The following CYP20A1 variants were observed in gnomAD, a reference collection of about 807,000 sequenced individuals.
CYP20A1 encodes the protein cytochrome P450 20A1.
In CYP20A1, 61 loss-of-function variants were observed where a neutral mutation model predicts 61.4. The observed-to-expected ratio is 0.99, with a 90% confidence interval of 0.81 to 1.23. CYP20A1 has a LOEUF of 1.23. Ranked by LOEUF, CYP20A1 falls within the 50% of genes most tolerant of loss-of-function variation. CYP20A1 has a pLI of 0.00. For synonymous variants in CYP20A1, 193 were observed against 188.2 expected (o/e 1.03, Z -0.21); for missense variants, 530 against 542.4 (o/e 0.98, Z 0.23).
intron 7 of CYP20A1, among the ~76,000 whole-genome samples, chr2:203,279,128 A>G (rs1156602713): frequency 6.6e-6 from 1 of 151,876 alleles, no homozygotes; most frequent in African/African-American, 2.4e-5. Context: ...CCACGCCCAG[A>G]TAATTTTTCT....
At chr2:203,287,239 A>G (rs1033721862) in intron 9 of CYP20A1, among the ~76,000 whole-genome samples, 1 of 149,224 alleles carries the variant, frequency 6.7e-6, no homozygotes, top group Non-Finnish European at 1.5e-5. Context: ...AAAAAAAAAA[A>G]GAAAAGATAA....
chr2:203,282,854 G>A (rs2068099749), intron 8 of CYP20A1, among the ~76,000 whole-genome samples: 1 of 152,090 alleles, frequency 6.6e-6, no homozygotes, highest in Non-Finnish European at 1.5e-5. Flanking sequence ...TTATCTCTAA[G>A]CTATGAAATT....
At position 203,298,985 on chromosome 2, in the gene CYP20A1, ATGT is replaced by A. The variant is rs1001764573; in HGVS notation, c.*2081_*2083del. 1.3e-5 allele frequency among the ~76,000 whole-genome samples: 2 copies of A among 151,970 alleles called. No homozygotes were observed. The highest frequency in any genetic ancestry group is 1.5e-5 in the Non-Finnish European group (1 of 67,974). On this transcript the variant is annotated 3_prime_UTR_variant, in exon 13 of 13. Coordinates refer to ENST00000356079, the MANE Select transcript of CYP20A1 (RefSeq NM_177538.3). Reference sequence around the variant, plus strand: ...GGGAGGCGGAGGTTGCAGTGAGCTGATGTTGTGCTAGTGCACTCCAGCCTGGGC... The same window carrying A: ...GGGAGGCGGAGGTTGCAGTGAGCTGATGTGCTAGTGCACTCCAGCCTGGGC...
intron 6 of CYP20A1, among the ~76,000 whole-genome samples, chr2:203,273,168 C>CT (rs2067677273): frequency 6.6e-6 from 1 of 152,088 alleles, no homozygotes; most frequent in African/African-American, 2.4e-5. Flanking sequence ...TTTCTTTATG[C>CT]TTTTTTCTAT....
In CYP20A1 at chr2:203,281,937, C is replaced by G. The variant is rs141995301; in HGVS notation, c.850+1824C>G. The stretch of plus-strand genomic sequence containing the variant: ...TTTAAAAGGATACAAATGTAAACGT[C>G]CCATAAATTTTTCTTCTTTAACATA... On this transcript the variant is annotated intron_variant, in intron 8 of 12. Coordinates refer to ENST00000356079, the MANE Select transcript of CYP20A1 (RefSeq NM_177538.3). Among the ~76,000 whole-genome samples the G allele has an allele frequency of 3.3e-5, 5 of 152,200 alleles. No homozygotes were observed. In the East Asian group the frequency reaches 9.6e-4, roughly 29 times the overall value.
chr2:203,302,735 C>T lies in CYP20A1; in HGVS notation c.*5827C>T, dbSNP rs2069069037. 1.1e-4 allele frequency among the ~76,000 whole-genome samples: 16 copies of T among 152,102 alleles called. No homozygotes were observed. Among genetic ancestry groups the T allele is most frequent in the Admixed American group, 1.0e-3 (16 of 15,242 alleles). The stretch of plus-strand genomic sequence containing the variant: ...GTGTGTGACAGAGTCTCACTGTCAC[C>T]AGGCTGGAATGCAGTGGCGTGATCT... On this transcript the variant is annotated 3_prime_UTR_variant, in exon 13 of 13. Transcript: ENST00000356079.
rs896099481 is a variant in CYP20A1, at chr2:203,299,000, A to G, written c.*2092A>G. 2.0e-5 allele frequency among the ~76,000 whole-genome samples: 3 copies of G among 151,964 alleles called. No homozygotes were observed. Among genetic ancestry groups the G allele is most frequent in the African/African-American group, 4.8e-5 (2 of 41,386 alleles). ...CAGTGAGCTGATGTTGTGCTAGTGC[A>G]CTCCAGCCTGGGCGACAGGGCTGAG... On this transcript the variant is annotated 3_prime_UTR_variant, in exon 13 of 13. Transcript: ENST00000356079.
chr2:203,294,638 G>A (rs1040216479), intron 11 of CYP20A1, among the ~76,000 whole-genome samples: 12 of 151,910 alleles, frequency 7.9e-5, no homozygotes, highest in Non-Finnish European at 1.3e-4. Flanking sequence ...GAGAAGCAAC[G>A]TGTATCTTTT....
At chr2:203,273,035 C>T (rs2067670797) in intron 6 of CYP20A1, among the ~76,000 whole-genome samples, 2 of 152,022 alleles carry the variant, frequency 1.3e-5, no homozygotes, top group Admixed American at 6.6e-5. Flanking sequence ...TTAGTAGAGA[C>T]AGGGTGTCAC....
At chr2:203,275,214 G>T (rs940589006) in intron 6 of CYP20A1, among the ~76,000 whole-genome samples, 6 of 152,084 alleles carry the variant, frequency 3.9e-5, no homozygotes, top group Admixed American at 1.3e-4. Context: ...GTACTTGTAG[G>T]GTTGAGAATG....
chr2:203,276,178 A>G (rs2067812611), intron 6 of CYP20A1, among the ~76,000 whole-genome samples: 2 of 152,192 alleles, frequency 1.3e-5, no homozygotes, highest in Non-Finnish European at 2.9e-5. Flanking sequence ...CTGCTGCTGT[A>G]TTTGAAGTAC....
chr2:203,290,264 A>G (rs2068477965), intron 10 of CYP20A1, among the ~76,000 whole-genome samples: 1 of 152,166 alleles, frequency 6.6e-6, no homozygotes, highest in East Asian at 1.9e-4. Flanking sequence ...AAATTTGTTT[A>G]AAGTGGCAAA....
chr2:203,262,267 A>C (rs1411232904), intron 4 of CYP20A1, among the ~76,000 whole-genome samples: 1 of 152,112 alleles, frequency 6.6e-6, no homozygotes. Flanking sequence ...TATGTTGCCA[A>C]GTCTGGCCTC....
chr2:203,273,712 G>C (rs1450821843), intron 6 of CYP20A1, among the ~76,000 whole-genome samples: 1 of 152,150 alleles, frequency 6.6e-6, no homozygotes, highest in Non-Finnish European at 1.5e-5. Flanking sequence ...GGGAGGCTGA[G>C]GTAGGCAGAT....
intron 4 of CYP20A1, among the ~76,000 whole-genome samples, chr2:203,259,145 CCTA>C (rs2067031454): frequency 6.6e-6 from 1 of 152,174 alleles, no homozygotes; most frequent in Non-Finnish European, 1.5e-5. Context: ...GTTTTCTCCT[CCTA>C]CTCATTCAGA....
At chr2:203,283,635 G>C (rs377290010) in intron 8 of CYP20A1, among the ~76,000 whole-genome samples, 5 of 144,408 alleles carry the variant, frequency 3.5e-5, no homozygotes, top group East Asian at 4.1e-4. Flanking sequence ...TGCAACCTCT[G>C]CCTCCCGGGT....
chr2:203,246,173 A>G (rs2066454178), intron 2 of CYP20A1, among the ~76,000 whole-genome samples: 1 of 152,226 alleles, frequency 6.6e-6, no homozygotes. Flanking sequence ...GACAGATGGA[A>G]TAGAGTAGGT....
At chr2:203,271,501 T>G (rs551275001) in intron 5 of CYP20A1, among the ~76,000 whole-genome samples, 1 of 152,326 alleles carries the variant, frequency 6.6e-6, no homozygotes, top group East Asian at 1.9e-4. Context: ...CATTGTTTAA[T>G]AAGTGTTGTG....
intron 1 of CYP20A1, 79 bp downstream of exon 1, chr2:203,239,213 G>T: frequency 1.6e-6 from 2 of 1,237,926 alleles, no homozygotes; most frequent in Non-Finnish European, 2.3e-6. Context: ...CAACCTGCCC[G>T]CTGCGGGCCG....
Sources: allele counts gnomAD v4.1 joint callset (sites outside exome capture counted in the v4.1 genomes callset), GRCh38; gene constraint gnomAD v4.1.1; transcripts MANE v1.5; gene names NCBI Gene and HGNC (gene_info 2026-07-23, HGNC 2026-07-21).